ZNF385D: variants seen among roughly 807,000 people sequenced by gnomAD.
ZNF385D encodes zinc finger protein 385D.
ZNF385D carries 15 observed loss-of-function variants against 35.8 expected under a neutral mutation model. The observed-to-expected ratio is 0.42, with a 90% CI of 0.28 to 0.64. The LOEUF is 0.64. Ranked by LOEUF, ZNF385D falls within the 30% of genes least tolerant of loss-of-function variation. The pLI is 0.23. For synonymous variants in ZNF385D, 212 were observed against 186.8 expected (o/e 1.13, Z -1.10); for missense variants, 474 against 494.6 (o/e 0.96, Z 0.39).
At chr3:21,858,644 A>C (rs1443114279) in intron 3 of ZNF385D, among the ~76,000 whole-genome samples, 1 of 152,128 alleles carries the variant, frequency 6.6e-6, no homozygotes, top group East Asian at 1.9e-4. Flanking sequence ...TGGACTTCCC[A>C]GCATTTAAAA....
chr3:21,488,967 C>A (rs1575033754), intron 4 of ZNF385D, among the ~76,000 whole-genome samples: 2 of 152,220 alleles, frequency 1.3e-5, no homozygotes, highest in Non-Finnish European at 1.5e-5. Flanking sequence ...GTCTAAAGCC[C>A]TAGCAGGTAA....
chr3:21,722,409 C>T (rs116262656), intron 1 of ZNF385D, among the ~76,000 whole-genome samples: 4,035 of 152,292 alleles, frequency 0.026, 160 homozygotes, highest in African/African-American at 0.09. Context: ...TTGTAACTAT[C>T]TAGTGCTTAG....
intron 3 of ZNF385D, among the ~76,000 whole-genome samples, chr3:22,044,306 T>C (rs1041614614): frequency 6.6e-6 from 1 of 152,072 alleles, no homozygotes; most frequent in Non-Finnish European, 1.5e-5. Flanking sequence ...TAATTGGCAG[T>C]ATTTTAAAAC....
intron 2 of ZNF385D, among the ~76,000 whole-genome samples, chr3:22,325,683 C>T (rs1334772685): frequency 6.6e-6 from 1 of 152,018 alleles, no homozygotes; most frequent in African/African-American, 2.4e-5. Context: ...TGGTTGAACC[C>T]AGGGGCGGAT....
chr3:21,661,288 A>C (rs1386781582), intron 2 of ZNF385D, among the ~76,000 whole-genome samples: 3 of 152,178 alleles, frequency 2.0e-5, no homozygotes. Context: ...ACTCAAGCTA[A>C]CATTCTATGC....
At chr3:21,698,420 A>G (rs79638133) in intron 1 of ZNF385D, among the ~76,000 whole-genome samples, 6,931 of 152,216 alleles carry the variant, frequency 0.046, 233 homozygotes, top group South Asian at 0.091. Context: ...AAGTCACCAT[A>G]AAGATAAAGA....
chr3:21,513,905 C>G (rs749909867), intron 3 of ZNF385D, among the ~76,000 whole-genome samples: 4 of 152,060 alleles, frequency 2.6e-5, no homozygotes, highest in Non-Finnish European at 4.4e-5. Flanking sequence ...TATGTGAAGG[C>G]AGAAAACCCA....
chr3:21,773,821 G>A (rs2071178515), intron 3 of ZNF385D, among the ~76,000 whole-genome samples: 1 of 151,908 alleles, frequency 6.6e-6, no homozygotes, highest in South Asian at 2.1e-4. Context: ...ACACTTGGTG[G>A]GAGTGTAAAT....
chr3:21,882,193 T>C (rs1346280269), intron 3 of ZNF385D, among the ~76,000 whole-genome samples: 2 of 152,024 alleles, frequency 1.3e-5, no homozygotes, highest in Non-Finnish European at 2.9e-5. Context: ...TCAAACAGCA[T>C]TGCATGCTAC....
chr3:21,662,044 TAGTCTCTGATCACCAGGCAGAG>T (rs1345311965), intron 2 of ZNF385D, among the ~76,000 whole-genome samples: 4 of 152,186 alleles, frequency 2.6e-5, no homozygotes, highest in African/African-American at 9.7e-5. Context: ...GGGAAGAATA[TAGTCTCTGATCACCAGGCAGAG>T]AGTCTCTGAT....
intron 3 of ZNF385D, among the ~76,000 whole-genome samples, chr3:22,096,476 TAG>T (rs1251492920): frequency 1.3e-5 from 2 of 152,056 alleles, no homozygotes; most frequent in African/African-American, 2.4e-5. Context: ...TTTAAAAATA[TAG>T]AGACATATAA....
intron 2 of ZNF385D, among the ~76,000 whole-genome samples, chr3:22,297,997 C>T (rs972824018): frequency 1.3e-5 from 2 of 152,072 alleles, no homozygotes; most frequent in South Asian, 4.1e-4. Flanking sequence ...GTTATTGACT[C>T]ATGAAACTGA....
chr3:22,091,594 A>G (rs879717444), intron 3 of ZNF385D, among the ~76,000 whole-genome samples: 1 of 151,646 alleles, frequency 6.6e-6, no homozygotes, highest in Non-Finnish European at 1.5e-5. Context: ...CAGTAGGAAA[A>G]AAAAAGCCCT....
At chr3:22,153,254 C>T (rs933831253) in intron 3 of ZNF385D, among the ~76,000 whole-genome samples, 9 of 152,040 alleles carry the variant, frequency 5.9e-5, no homozygotes, top group Admixed American at 2.6e-4. Flanking sequence ...CTCTTAGGTA[C>T]TCTATAGTTC....
chr3:22,297,303 C>T (rs1227565889), intron 2 of ZNF385D, among the ~76,000 whole-genome samples: 2 of 152,026 alleles, frequency 1.3e-5, no homozygotes, highest in African/African-American at 2.4e-5. Context: ...CCAAATCAAT[C>T]CATCTCCTCC....
chr3:22,114,582 C>T (rs1006517678), intron 3 of ZNF385D, among the ~76,000 whole-genome samples: 10 of 152,126 alleles, frequency 6.6e-5, no homozygotes, highest in Admixed American at 5.2e-4. Context: ...CATTAATGAG[C>T]AGATCACTGT....
At position 22,348,485 on chromosome 3, in the gene ZNF385D, T is replaced by TAAAAAAAAAAAAAAAAAAAAAAAAAAAA. The variant is rs1168729541; in HGVS notation, c.106+23964_106+23965insTTTTTTTTTTTTTTTTTTTTTTTTTTTT. Among the ~76,000 whole-genome samples, 10 of 84,868 alleles carry TAAAAAAAAAAAAAAAAAAAAAAAAAAAA rather than the reference T, an allele frequency of 1.2e-4. 1 individual carries two copies. Among genetic ancestry groups the TAAAAAAAAAAAAAAAAAAAAAAAAAAAA allele is most frequent in the African/African-American group, 1.7e-4 (3 of 17,592 alleles). 55.7% of individuals were successfully genotyped at this position (84,868 alleles called of 152,430 possible). A position where few individuals can be genotyped will look rare whatever the true frequency, so the allele number is the denominator to read the frequency against. On this transcript the variant is annotated intron_variant, in intron 2 of 5. Coordinates refer to the ZNF385D transcript ENST00000494108. ...CAACATGGAGAAACTCCATCTCTAC[T>TAAAAAAAAAAAAAAAAAAAAAAAAAAAA]AAAAAAAAAAAAAAAAAAAAAATAC...
chr3:21,906,012 C>A (rs529325747), intron 3 of ZNF385D, among the ~76,000 whole-genome samples: 4 of 152,230 alleles, frequency 2.6e-5, no homozygotes, highest in African/African-American at 4.8e-5. Context: ...GGGTTCAAGT[C>A]CCATAAAAAG....
chr3:22,110,013 T>C (rs1036740317), intron 3 of ZNF385D, among the ~76,000 whole-genome samples: 6 of 152,138 alleles, frequency 3.9e-5, no homozygotes, highest in Admixed American at 3.3e-4. Flanking sequence ...AAGACATTTA[T>C]GCAGCCAAAA....
Sources: allele counts gnomAD v4.1 joint callset (sites outside exome capture counted in the v4.1 genomes callset), GRCh38; gene constraint gnomAD v4.1.1; transcripts MANE v1.5; gene names NCBI Gene and HGNC (gene_info 2026-07-23, HGNC 2026-07-21).